The following FGD3 variants were observed in gnomAD, a reference collection of about 807,000 sequenced individuals.
FGD3 encodes FYVE, RhoGEF and PH domain containing 3, also known as FYVE, RhoGEF and PH domain-containing protein 3.
Under a neutral mutation model 71.8 loss-of-function variants are expected in FGD3, and 45 were observed. That is an observed-to-expected ratio of 0.63 (90% CI 0.49 to 0.80). The LOEUF (loss-of-function observed/expected upper bound fraction) is 0.80. Ranked by LOEUF, FGD3 falls within the 30% of genes least tolerant of loss-of-function variation. FGD3 has a pLI of 0.00. For missense variants in FGD3, 844 were observed against 951.5 expected, an observed-to-expected ratio of 0.89 and a Z score of 1.49; for synonymous variants, 378 against 392.8, an observed-to-expected ratio of 0.96 and a Z score of 0.44.
intron 3 of FGD3, among the ~76,000 whole-genome samples, chr9:92,990,198 G>A (rs939416889): frequency 1.3e-5 from 2 of 152,066 alleles, no homozygotes; most frequent in Non-Finnish European, 2.9e-5. Flanking sequence ...AGAACTTTGG[G>A]AGGCTGAGGT....
chr9:93,020,038 C>T (rs1288314115), intron 12 of FGD3, among the ~76,000 whole-genome samples, 177 bp downstream of exon 12: 1 of 152,220 alleles, frequency 6.6e-6, no homozygotes, highest in East Asian at 1.9e-4. Context: ...TGCCACAAGC[C>T]CTTCAACCCA....
intron 3 of FGD3, among the ~76,000 whole-genome samples, chr9:92,977,927 G>T (rs748595820): frequency 6.6e-6 from 1 of 152,152 alleles, no homozygotes; most frequent in Non-Finnish European, 1.5e-5. Context: ...AGACTCTGTG[G>T]CAATAAGATA....
chr9:93,034,805 C>G, intron 17 of FGD3, 124 bp downstream of exon 17: 1 of 1,123,454 alleles, frequency 8.9e-7, no homozygotes, highest in Non-Finnish European at 1.2e-6. Flanking sequence ...CCTGGGGCCT[C>G]AGTTTCCCCG....
At position 92,984,261 on chromosome 9, in the gene FGD3, T is replaced by G. The variant is rs1434642943; in HGVS notation, c.453+7552T>G. On this transcript the variant is annotated intron_variant, in intron 3 of 17. Transcript: ENST00000375482. ...CTGACTTGACCTAAACATCCCTCTTTTAAACAACCAGTTATTTTACTTTGG... is the reference window on the plus strand; with the variant it reads ...CTGACTTGACCTAAACATCCCTCTTGTAAACAACCAGTTATTTTACTTTGG... Among the ~76,000 whole-genome samples the G allele has an allele frequency of 2.0e-5, 3 of 152,242 alleles. No homozygotes were observed. In the East Asian group the frequency reaches 5.8e-4, roughly 29 times the overall value.
At chr9:93,001,307 T>C (rs1860849909) in intron 3 of FGD3, among the ~76,000 whole-genome samples, 2 of 152,162 alleles carry the variant, frequency 1.3e-5, no homozygotes, top group South Asian at 4.1e-4. Flanking sequence ...TTAAGATCAG[T>C]TTTGAAGTTT....
intron 1 of FGD3, among the ~76,000 whole-genome samples, chr9:92,970,793 G>T (rs956550514): frequency 6.6e-6 from 1 of 152,162 alleles, no homozygotes; most frequent in Non-Finnish European, 1.5e-5. Context: ...GCACATGTGC[G>T]TTTGTTTATG....
At chr9:92,960,547 C>A (rs988989487) in intron 1 of FGD3, among the ~76,000 whole-genome samples, 2 of 152,186 alleles carry the variant, frequency 1.3e-5, no homozygotes, top group East Asian at 3.8e-4. Flanking sequence ...CAGATGGACA[C>A]TTTCCCCCAC....
At chr9:93,011,544 G>A (rs1587853496) in intron 8 of FGD3, among the ~76,000 whole-genome samples, 1 of 152,328 alleles carries the variant, frequency 6.6e-6, no homozygotes, top group East Asian at 1.9e-4. Context: ...GTCTCACTGG[G>A]CATCTGTGGA....
intron 13 of FGD3, among the ~76,000 whole-genome samples, chr9:93,021,297 A>T (rs536218811): frequency 1.3e-5 from 2 of 152,168 alleles, no homozygotes; most frequent in Non-Finnish European, 2.9e-5. Flanking sequence ...GGGATTTCAC[A>T]TGGAGACTTA....
intron 6 of FGD3, among the ~76,000 whole-genome samples, chr9:93,007,769 C>T (rs1273678962): frequency 6.6e-6 from 1 of 152,226 alleles, no homozygotes; most frequent in Non-Finnish European, 1.5e-5. Flanking sequence ...TCAGTACCAT[C>T]CAGCCATTCC....
intron 1 of FGD3, among the ~76,000 whole-genome samples, chr9:92,968,522 C>T (rs1213076205): frequency 6.6e-6 from 1 of 151,222 alleles, no homozygotes; most frequent in Non-Finnish European, 1.5e-5. Context: ...AGGCTGAGAC[C>T]CCAAGGTAAT....
At chr9:92,998,574 C>T (rs1461382970) in intron 3 of FGD3, among the ~76,000 whole-genome samples, 1 of 152,128 alleles carries the variant, frequency 6.6e-6, no homozygotes, top group East Asian at 1.9e-4. Flanking sequence ...GAATTTTCAG[C>T]TTTTCTGCTC....
At chr9:92,949,505 T>C (rs1396956685) in intron 1 of FGD3, among the ~76,000 whole-genome samples, 1 of 152,186 alleles carries the variant, frequency 6.6e-6, no homozygotes, top group African/African-American at 2.4e-5. Flanking sequence ...GCAACAGTGC[T>C]GACTCAGTCC....
intron 14 of FGD3, among the ~76,000 whole-genome samples, chr9:93,024,979 C>T (rs749474603): frequency 3.9e-5 from 6 of 152,234 alleles, no homozygotes; most frequent in Admixed American, 6.5e-5. Context: ...AGCTGTCAGG[C>T]GCTGCTGGCC....
chr9:93,020,653 C>T (rs897005266), intron 13 of FGD3: 2 of 498,272 alleles, frequency 4.0e-6, no homozygotes, highest in Non-Finnish European at 3.7e-6. Flanking sequence ...ACACCCACCC[C>T]CTACAACCCC....
At chr9:93,022,944 A>T (rs1426567640) in intron 14 of FGD3, among the ~76,000 whole-genome samples, 1 of 152,066 alleles carries the variant, frequency 6.6e-6, no homozygotes, top group Non-Finnish European at 1.5e-5. Context: ...GACTGTGTCC[A>T]CGCGCCCGCC....
chr9:92,966,187 A>G (rs1281960631), intron 1 of FGD3, among the ~76,000 whole-genome samples: 2 of 152,072 alleles, frequency 1.3e-5, no homozygotes, highest in African/African-American at 4.8e-5. Flanking sequence ...TTGTCTGAGG[A>G]GGGAGACAGG....
chr9:92,949,801 G>T (rs928458409), intron 1 of FGD3, among the ~76,000 whole-genome samples: 6 of 152,156 alleles, frequency 3.9e-5, no homozygotes, highest in African/African-American at 1.4e-4. Flanking sequence ...GAGTGTGCCA[G>T]TGAGGGGTGG....
intron 16 of FGD3, chr9:93,033,673 C>T (rs141507775): frequency 3.6e-4 from 55 of 153,010 alleles, no homozygotes; most frequent in African/African-American, 1.3e-3. Context: ...CCTTTCTCTC[C>T]ACTCGACACA....
Sources: allele counts gnomAD v4.1 joint callset (sites outside exome capture counted in the v4.1 genomes callset), GRCh38; gene constraint gnomAD v4.1.1; transcripts MANE v1.5; gene names NCBI Gene and HGNC (gene_info 2026-07-23, HGNC 2026-07-21).